NR5A2: variants seen among roughly 807,000 people sequenced by gnomAD.
The protein encoded by NR5A2 is CYP7A promoter-binding factor.
Under a neutral mutation model 62.7 loss-of-function variants are expected in NR5A2, and 26 were observed. That is an observed-to-expected ratio of 0.41 (90% CI 0.30 to 0.58). The LOEUF (loss-of-function observed/expected upper bound fraction) is 0.58. NR5A2 is among the 20% of genes least tolerant of loss of function. The pLI is 0.22. For synonymous variants in NR5A2, 246 were observed against 241.7 expected, an observed-to-expected ratio of 1.02 and a Z score of -0.16; for missense variants, 541 against 669.1, an observed-to-expected ratio of 0.81 and a Z score of 2.11.
chr1:200,057,505 G>C, intron 5 of NR5A2: 1 of 239,002 alleles, frequency 4.2e-6, no homozygotes, highest in South Asian at 3.9e-5. Flanking sequence ...TTGAGACAGG[G>C]TCTCACTCTG....
chr1:200,056,022 T>G (rs1662897155), intron 5 of NR5A2, among the ~76,000 whole-genome samples: 1 of 152,236 alleles, frequency 6.6e-6, no homozygotes. Context: ...TCTTCAGGTG[T>G]TAAGCATCTG....
At chr1:200,131,850 G>T (rs1447144412) in intron 7 of NR5A2, among the ~76,000 whole-genome samples, 1 of 152,138 alleles carries the variant, frequency 6.6e-6, no homozygotes, top group Non-Finnish European at 1.5e-5. Context: ...GGCTGTGTTT[G>T]GTTAAGAAGG....
intron 5 of NR5A2, among the ~76,000 whole-genome samples, chr1:200,064,944 ATTATTTAT>A (rs905867142): frequency 6.6e-6 from 1 of 151,904 alleles, no homozygotes; most frequent in Non-Finnish European, 1.5e-5. Flanking sequence ...TGTTTTAAAA[ATTATTTAT>A]TTATTTATTT....
At chr1:200,068,545 C>T (rs753945263) in intron 5 of NR5A2, among the ~76,000 whole-genome samples, 4 of 152,196 alleles carry the variant, frequency 2.6e-5, no homozygotes, top group Non-Finnish European at 5.9e-5. Context: ...TGGTCCCTTG[C>T]AGCAGAGATT....
chr1:200,054,779 T>C (rs1662831007), intron 5 of NR5A2, among the ~76,000 whole-genome samples: 2 of 152,226 alleles, frequency 1.3e-5, no homozygotes. Context: ...TATCTATTTT[T>C]AACATTCTAG....
In NR5A2 at chr1:200,176,067, C is replaced by T. The variant is rs1654405284; in HGVS notation, c.*1857C>T. 6.6e-6 allele frequency: 1 copy of T among 152,608 alleles called. No individual in the cohort carries two copies. Among genetic ancestry groups the T allele is most frequent in the African/African-American group, 2.4e-5 (1 of 41,452 alleles). 9.5% of individuals were successfully genotyped at this position (152,608 alleles called of 1,614,324 possible). On this transcript the variant is annotated 3_prime_UTR_variant, in exon 8 of 8. Transcript: ENST00000367362. Reference sequence around the variant, plus strand: ...AAATTAGTGGAACTTAGTTCAGGGACATAGAAGAGTCTTAATGAATTAAAA... The same window carrying T: ...AAATTAGTGGAACTTAGTTCAGGGATATAGAAGAGTCTTAATGAATTAAAA...
intron 7 of NR5A2, among the ~76,000 whole-genome samples, chr1:200,143,136 C>T (rs996972908): frequency 3.9e-5 from 6 of 152,104 alleles, no homozygotes; most frequent in Non-Finnish European, 8.8e-5. Context: ...GTCTCTTTCT[C>T]CTGTCTTGTG....
chr1:200,106,828 G>A (rs955675568), intron 5 of NR5A2, among the ~76,000 whole-genome samples: 11 of 152,080 alleles, frequency 7.2e-5, no homozygotes, highest in African/African-American at 2.7e-4. Context: ...GAACAAGCCA[G>A]GCATCACATT....
At chr1:200,081,757 CAT>C (rs1426132382) in intron 5 of NR5A2, among the ~76,000 whole-genome samples, 1 of 144,344 alleles carries the variant, frequency 6.9e-6, no homozygotes, top group Non-Finnish European at 1.5e-5. Context: ...CAACCTGAAA[CAT>C]AGTCTACCTT....
intron 1 of NR5A2, chr1:200,038,894 C>A: frequency 1.8e-6 from 1 of 552,482 alleles, no homozygotes; most frequent in Non-Finnish European, 2.7e-6. Flanking sequence ...TCCTTATTGG[C>A]TGGCGGCTAG....
At chr1:200,155,435 CAAG>C (rs1653331738) in intron 7 of NR5A2, among the ~76,000 whole-genome samples, 1 of 152,136 alleles carries the variant, frequency 6.6e-6, no homozygotes, top group African/African-American at 2.4e-5. Context: ...ACAGGCCTTT[CAAG>C]AATTGGTTTT....
intron 5 of NR5A2, among the ~76,000 whole-genome samples, chr1:200,100,629 C>CT (rs1665321940): frequency 6.6e-6 from 1 of 152,190 alleles, no homozygotes; most frequent in Non-Finnish European, 1.5e-5. Flanking sequence ...ACCAAATCGT[C>CT]TTGGCTCTTC....
intron 1 of NR5A2, among the ~76,000 whole-genome samples, chr1:200,028,286 T>C (rs1332769676): frequency 6.6e-6 from 1 of 152,142 alleles, no homozygotes; most frequent in Admixed American, 6.5e-5. Flanking sequence ...TGAGTGATCA[T>C]TGATCAAACT....
chr1:200,068,216 T>C (rs1301082574), intron 5 of NR5A2, among the ~76,000 whole-genome samples: 1 of 152,214 alleles, frequency 6.6e-6, no homozygotes, highest in African/African-American at 2.4e-5. Context: ...CTATAGTCTT[T>C]CCAAGGCTTC....
intron 1 of NR5A2, among the ~76,000 whole-genome samples, chr1:200,037,067 C>T (rs915713353): frequency 1.3e-5 from 2 of 152,206 alleles, no homozygotes; most frequent in Non-Finnish European, 2.9e-5. Context: ...CACCACCACT[C>T]TCCATCTTTC....
In NR5A2 at chr1:200,076,933, T is replaced by TAC. The variant is rs77029642; in HGVS notation, c.1110+28115_1110+28116insAC. Reference sequence around the variant, plus strand: ...AAATTAAATATTAATTATAGAGAAGTTTAAAATGTACTTAAAATGAATTTG... The same window carrying TAC: ...AAATTAAATATTAATTATAGAGAAGTACTTAAAATGTACTTAAAATGAATTTG... On this transcript the variant is annotated intron_variant, in intron 5 of 7. Coordinates refer to ENST00000367362, the MANE Select transcript of NR5A2 (RefSeq NM_205860.3). 7.4e-4 allele frequency among the ~76,000 whole-genome samples: 112 copies of TAC among 152,270 alleles called. No homozygotes were observed. In the East Asian group the frequency reaches 0.019, roughly 26 times the overall value.
intron 5 of NR5A2, among the ~76,000 whole-genome samples, chr1:200,055,197 C>T (rs1662857437): frequency 6.6e-6 from 1 of 151,338 alleles, no homozygotes; most frequent in Non-Finnish European, 1.5e-5. Context: ...CCTGGCAGCC[C>T]TACTTTTTTT....
At chr1:200,152,803 C>T (rs1263998635) in intron 7 of NR5A2, among the ~76,000 whole-genome samples, 1 of 152,092 alleles carries the variant, frequency 6.6e-6, no homozygotes, top group East Asian at 1.9e-4. Context: ...GAATGAACTG[C>T]CATTCAGCTA....
chr1:200,076,416 T>TG (rs1369019546), intron 5 of NR5A2, among the ~76,000 whole-genome samples: 2 of 151,872 alleles, frequency 1.3e-5, no homozygotes, highest in Non-Finnish European at 2.9e-5. Context: ...AAATTGTTTG[T>TG]GGATGGAAAA....
Sources: allele counts gnomAD v4.1 joint callset (sites outside exome capture counted in the v4.1 genomes callset), GRCh38; gene constraint gnomAD v4.1.1; transcripts MANE v1.5; gene names NCBI Gene and HGNC (gene_info 2026-07-23, HGNC 2026-07-21).